ASXL3: variants seen among roughly 807,000 people sequenced by gnomAD.
The protein encoded by ASXL3 is ASXL transcriptional regulator 3.
ASXL3 carries 34 observed loss-of-function variants against 170.6 expected under a neutral mutation model. The ratio of observed to expected loss-of-function variants is 0.20; its 90% CI spans 0.15 to 0.27. The LOEUF is 0.27. Among genes scored for constraint, ASXL3 ranks in the 10% least tolerant of loss-of-function variants. The probability of loss-of-function intolerance (pLI) is 1.00; values close to 1 mark genes in which losing one functional copy is unlikely to be tolerated. For missense variants in ASXL3, 2,592 were observed against 2,695.3 expected (o/e 0.96, Z 0.85); for synonymous variants, 1,002 against 989.1 (o/e 1.01, Z -0.24).
At chr18:33,683,638 C>T (rs2066548852) in intron 8 of ASXL3, 70 bp downstream of exon 8, 2 of 1,417,894 alleles carry the variant, frequency 1.4e-6, no homozygotes, top group South Asian at 2.8e-5. Context: ...GGTCTATTAT[C>T]AAAGATGACT....
intron 2 of ASXL3, among the ~76,000 whole-genome samples, chr18:33,635,031 A>T (rs75476080): frequency 0.021 from 3,176 of 152,220 alleles, 57 homozygotes; most frequent in Non-Finnish European, 0.028. Context: ...AGATGAGGGG[A>T]TCTTGACAAA....
At chr18:33,708,720 G>T (rs1176412143) in intron 8 of ASXL3, among the ~76,000 whole-genome samples, 1 of 152,144 alleles carries the variant, frequency 6.6e-6, no homozygotes, top group Non-Finnish European at 1.5e-5. Context: ...TTGCCAAATG[G>T]TTCCAGGAGG....
chr18:33,663,084 G>A (rs1419017107), intron 5 of ASXL3, among the ~76,000 whole-genome samples: 2 of 152,148 alleles, frequency 1.3e-5, no homozygotes, highest in East Asian at 3.9e-4. Context: ...TACTGCATTT[G>A]AAATGTTTTA....
intron 8 of ASXL3, among the ~76,000 whole-genome samples, chr18:33,692,043 G>A (rs2066694437): frequency 6.6e-6 from 1 of 152,160 alleles, no homozygotes; most frequent in African/African-American, 2.4e-5. Flanking sequence ...TGGAAACACA[G>A]GTTTGTCCAA....
chr18:33,607,643 A>G lies in ASXL3; in HGVS notation c.104A>G (p.Glu35Gly). The part of the protein sequence containing the change: ...NSPMTAKQIL[E>G]VIQKEGLKET... ...CCAATGACAGCAAAGCAGATATTGG[A>G]AGTCATTCAGAAAGAAGGGTTAAAA... Residue 35 changes from glutamate to glycine, a missense_variant, in exon 2 of 12, where the codon GAA (glutamate) becomes GGA (glycine). Physicochemically the swap from Glu to Gly is moderately conservative, Grantham distance 98. Around this residue, in one of 4 missense-constraint regions of ASXL3, gnomAD observed 251 missense variants for 281.9 expected, o/e 0.89. Transcript: ENST00000269197. 1 of 1,589,064 alleles carries G rather than the reference A, an allele frequency of 6.3e-7. No individual in the cohort carries two copies. Among genetic ancestry groups the G allele is most frequent in the Non-Finnish European group, 8.6e-7 (1 of 1,166,754 alleles).
intron 2 of ASXL3, among the ~76,000 whole-genome samples, chr18:33,638,133 G>GTATATATA (rs146413821): frequency 6.7e-6 from 1 of 148,538 alleles, no homozygotes; most frequent in African/African-American, 2.5e-5. Flanking sequence ...CATGTGTATA[G>GTATATATA]TATATATATA....
At chr18:33,679,066 G>A (rs1450451993) in intron 7 of ASXL3, among the ~76,000 whole-genome samples, 3 of 151,948 alleles carry the variant, frequency 2.0e-5, no homozygotes, top group South Asian at 2.1e-4. Context: ...AACATGTTTC[G>A]GAAGTAGAAA....
chr18:33,679,186 G>A (rs984954770), intron 7 of ASXL3, among the ~76,000 whole-genome samples: 4 of 152,014 alleles, frequency 2.6e-5, no homozygotes, highest in African/African-American at 9.7e-5. Context: ...CATATAATAA[G>A]AATTAAGCAA....
At chr18:33,653,738 G>A (rs1453635415) in intron 4 of ASXL3, among the ~76,000 whole-genome samples, 2 of 152,044 alleles carry the variant, frequency 1.3e-5, no homozygotes, top group East Asian at 1.9e-4. Flanking sequence ...AATAGTATAT[G>A]ATCCGGGGGA....
At chr18:33,698,212 T>A (rs746330236) in intron 8 of ASXL3, among the ~76,000 whole-genome samples, 1 of 152,116 alleles carries the variant, frequency 6.6e-6, no homozygotes, top group East Asian at 1.9e-4. Flanking sequence ...GCCTGGACTT[T>A]CTTTCTCTTA....
Position 33,739,420 on chromosome 18 carries a change from T to C in ASXL3, c.2016T>C (p.Phe672=). 1.2e-6 allele frequency: 2 copies of C among 1,613,964 alleles called. No individual in the cohort carries two copies. Among genetic ancestry groups the C allele is most frequent in the Non-Finnish European group, 1.7e-6 (2 of 1,179,874 alleles). The change falls in exon 11 of 12, where the codon TTT becomes TTC. Residue 672 remains phenylalanine, a synonymous_variant. Coordinates refer to ENST00000269197, the MANE Select transcript of ASXL3 (RefSeq NM_030632.3). ...YNQRNSTDEN[F]HASLMSEISP... is the part of the protein sequence containing the mutation. ...AGAGAAATTCCACTGATGAAAACTT[T>C]CATGCATCTTTGATGTCAGAAATAT...
intron 8 of ASXL3, among the ~76,000 whole-genome samples, chr18:33,689,786 G>C (rs1272039814): frequency 6.6e-6 from 1 of 151,980 alleles, no homozygotes; most frequent in Non-Finnish European, 1.5e-5. Context: ...TAATTAAATA[G>C]TATTTTGTGA....
At chr18:33,692,119 C>T (rs951119020) in intron 8 of ASXL3, among the ~76,000 whole-genome samples, 2 of 152,114 alleles carry the variant, frequency 1.3e-5, no homozygotes, top group African/African-American at 4.8e-5. Flanking sequence ...CAGAAAAGTA[C>T]ATTTTGTCTG....
At chr18:33,641,601 G>A (rs1268912838) in intron 2 of ASXL3, among the ~76,000 whole-genome samples, 8 of 152,110 alleles carry the variant, frequency 5.3e-5, no homozygotes, top group South Asian at 2.1e-4. Context: ...GGAAAAAATC[G>A]AAGCCACCTT....
rs369371371 is a variant in ASXL3 at position 33,583,643 on chromosome 18, T to C, written c.54+4958T>C. 7.9e-5 allele frequency among the ~76,000 whole-genome samples: 12 copies of C among 152,292 alleles called. No homozygotes were observed. The South Asian group carries it at 1.2e-3, about 16-fold the overall frequency. On this transcript the variant is annotated intron_variant, in intron 1 of 11. Coordinates refer to ENST00000269197, the MANE Select transcript of ASXL3 (RefSeq NM_030632.3). The stretch of plus-strand genomic sequence containing the variant: ...TTTAGGTTGTTAATTTTTTATTTCC[T>C]GCCGACATTAAGTTTTTCTATTTTT...
chr18:33,598,253 G>A (rs1469053544), intron 1 of ASXL3, among the ~76,000 whole-genome samples: 1 of 151,990 alleles, frequency 6.6e-6, no homozygotes, highest in Admixed American at 6.6e-5. Context: ...AATCATATTA[G>A]ATCTTGGGAA....
At chr18:33,714,303 A>G (rs2067128948) in intron 8 of ASXL3, among the ~76,000 whole-genome samples, 1 of 152,124 alleles carries the variant, frequency 6.6e-6, no homozygotes, top group Admixed American at 6.5e-5. Flanking sequence ...GCACGTTGCC[A>G]AGGGCTCAAA....
rs1028593021 is a variant in ASXL3, at chr18:33,711,176, A to C, written c.880-20792A>C. ...AACCAAATTACATCTTCCATTGTAA[A>C]CAGATGTTTGTATTTGTTTTATTGT... On this transcript the variant is annotated intron_variant, in intron 8 of 11. Transcript: ENST00000269197. Among the ~76,000 whole-genome samples the C allele has an allele frequency of 3.0e-4, 46 of 152,308 alleles. 1 individual carries two copies. The Middle Eastern group carries it at 0.014, about 45-fold the overall frequency.
intron 5 of ASXL3, among the ~76,000 whole-genome samples, chr18:33,664,592 C>A (rs1218401817): frequency 1.3e-5 from 2 of 152,038 alleles, no homozygotes; most frequent in African/African-American, 4.8e-5. Context: ...TTCCTAAAAC[C>A]AAATAGCTTT....
Sources: allele counts gnomAD v4.1 joint callset (sites outside exome capture counted in the v4.1 genomes callset), GRCh38; gene constraint gnomAD v4.1.1; regional missense constraint gnomAD v4.1.1; transcripts MANE v1.5; gene names NCBI Gene and HGNC (gene_info 2026-07-23, HGNC 2026-07-21).